The following PRTG variants were observed in gnomAD, a reference collection of about 807,000 sequenced individuals.
The protein encoded by PRTG is immunoglobulin superfamily, DCC subclass, member 5.
PRTG carries 67 observed loss-of-function variants against 122.5 expected under a neutral mutation model. The ratio of observed to expected loss-of-function variants is 0.55; its 90% CI spans 0.45 to 0.67. The LOEUF is 0.67. PRTG is among the 30% of genes least tolerant of loss of function. PRTG has a pLI of 0.00. For synonymous variants in PRTG, 554 were observed against 501.1 expected, an observed-to-expected ratio of 1.11 and a Z score of -1.41; for missense variants, 1,435 against 1,415.4, an observed-to-expected ratio of 1.01 and a Z score of -0.22.
chr15:55,673,894 C>T (rs2059487781), intron 9 of PRTG, among the ~76,000 whole-genome samples: 1 of 152,128 alleles, frequency 6.6e-6, no homozygotes, highest in African/African-American at 2.4e-5. Context: ...ATAAGATATT[C>T]TTCACTGTGG....
chr15:55,626,880 A>G (rs1223731582), intron 17 of PRTG, 128 bp downstream of exon 17: 2 of 727,452 alleles, frequency 2.7e-6, no homozygotes, highest in African/African-American at 3.6e-5. Flanking sequence ...TCAGGGAACA[A>G]TACTGCACAT....
chr15:55,686,425 G>A (rs2059570805), intron 2 of PRTG, among the ~76,000 whole-genome samples: 2 of 152,074 alleles, frequency 1.3e-5, no homozygotes, highest in South Asian at 4.1e-4. Flanking sequence ...TTACAGAACA[G>A]AAGCTCCCCC....
intron 1 of PRTG, among the ~76,000 whole-genome samples, chr15:55,741,148 T>C (rs1278106357): frequency 2.6e-5 from 4 of 152,262 alleles, no homozygotes; most frequent in African/African-American, 9.6e-5. Context: ...CCGTGGCACC[T>C]ACTCCTTTGG....
intron 2 of PRTG, among the ~76,000 whole-genome samples, chr15:55,739,112 T>G (rs1046938636): frequency 1.3e-5 from 2 of 152,104 alleles, no homozygotes; most frequent in African/African-American, 4.8e-5. Context: ...CTACAATTAA[T>G]CCTTATTGCA....
chr15:55,732,065 CAT>C (rs1393517075), intron 2 of PRTG, among the ~76,000 whole-genome samples: 3 of 152,174 alleles, frequency 2.0e-5, no homozygotes, highest in African/African-American at 7.2e-5. Flanking sequence ...TGTATCTAAA[CAT>C]ATGTAAGCAC....
chr15:55,703,509 G>A (rs950049179), intron 2 of PRTG, among the ~76,000 whole-genome samples: 1 of 152,186 alleles, frequency 6.6e-6, no homozygotes, highest in Non-Finnish European at 1.5e-5. Flanking sequence ...AATGTGATAA[G>A]AGGAAGAGTC....
chr15:55,621,005 C>A (rs913837407), intron 18 of PRTG, among the ~76,000 whole-genome samples: 2 of 152,092 alleles, frequency 1.3e-5, no homozygotes, highest in Admixed American at 1.3e-4. Flanking sequence ...CATTAGTACA[C>A]AAAATGCTTA....
At chr15:55,635,219 G>A (rs2059251381) in intron 15 of PRTG, among the ~76,000 whole-genome samples, 1 of 152,110 alleles carries the variant, frequency 6.6e-6, no homozygotes, top group Non-Finnish European at 1.5e-5. Context: ...AGCCTCCCGA[G>A]TAGTTGGGCC....
intron 2 of PRTG, among the ~76,000 whole-genome samples, chr15:55,692,451 G>A (rs998363686): frequency 2.0e-5 from 3 of 152,126 alleles, no homozygotes; most frequent in African/African-American, 7.2e-5. Flanking sequence ...TAGTTCTGAG[G>A]TTTCTGGCCC....
At chr15:55,715,899 T>C (rs558701815) in intron 2 of PRTG, among the ~76,000 whole-genome samples, 5 of 152,200 alleles carry the variant, frequency 3.3e-5, no homozygotes, top group Admixed American at 2.6e-4. Flanking sequence ...CCCTTCTGAA[T>C]TGGCACCAGT....
At chr15:55,641,993 T>C (rs2059293337) in intron 11 of PRTG, among the ~76,000 whole-genome samples, 1 of 149,690 alleles carries the variant, frequency 6.7e-6, no homozygotes, top group African/African-American at 2.5e-5. Context: ...GCTAACAAGG[T>C]GAAACCCCGT....
In PRTG at chr15:55,618,395, G is replaced by A. The variant is rs548021492; in HGVS notation, c.*1617C>T. On this transcript the variant is annotated 3_prime_UTR_variant, in exon 20 of 20. Coordinates refer to ENST00000389286, the MANE Select transcript of PRTG (RefSeq NM_173814.6). Reference sequence around the variant, plus strand: ...AACCCATTATGATTCCTTTTAAAATGAGAATCAAAAGTCACTTCCAGAAAA... The same window carrying A: ...AACCCATTATGATTCCTTTTAAAATAAGAATCAAAAGTCACTTCCAGAAAA... The A allele has an allele frequency of 6.6e-6, 1 of 152,114 alleles. No homozygotes were observed. The highest frequency in any genetic ancestry group is 2.1e-4 in the South Asian group (1 of 4,822). 9.4% of individuals were successfully genotyped at this position (152,114 alleles called of 1,614,324 possible).
rs1157299341 is a variant in PRTG at position 55,742,919 on chromosome 15, G to C, written c.13C>G (p.Leu5Val). MAPP[L>V]RPLARLRPPG... is the part of the protein sequence containing the mutation. Reference sequence around the variant, plus strand: ...GGTCGCAGCCGGGCGAGGGGTCGCAGAGGAGGCGCCATTCAGCGTAGCCGC... The same window carrying C: ...GGTCGCAGCCGGGCGAGGGGTCGCACAGGAGGCGCCATTCAGCGTAGCCGC... The change falls in exon 1 of 20, where the codon CTG (leucine) becomes GTG (valine). Residue 5 changes from leucine (L) to valine (V), a missense_variant. Transcript: ENST00000389286. The C allele has an allele frequency of 1.3e-6, 2 of 1,525,504 alleles. No homozygotes were observed. Among genetic ancestry groups the C allele is most frequent in the East Asian group, 2.7e-5 (1 of 37,262 alleles). The allele number at this position is 1,525,504 out of a possible 1,614,324, so 94.5% of individuals were successfully genotyped here.
intron 2 of PRTG, among the ~76,000 whole-genome samples, chr15:55,736,423 T>C (rs541477717): frequency 9.2e-5 from 14 of 152,072 alleles, no homozygotes; most frequent in Non-Finnish European, 1.9e-4. Flanking sequence ...TTTTAATATA[T>C]TTTTAACTTC....
intron 2 of PRTG, among the ~76,000 whole-genome samples, chr15:55,739,929 TA>T (rs1308459024): frequency 1.2e-4 from 19 of 152,234 alleles, no homozygotes; most frequent in African/African-American, 4.1e-4. Flanking sequence ...ATGGGTGATC[TA>T]AAAGCAGTCA....
At chr15:55,652,767 T>C (rs2059359899) in intron 11 of PRTG, among the ~76,000 whole-genome samples, 1 of 152,180 alleles carries the variant, frequency 6.6e-6, no homozygotes, top group Non-Finnish European at 1.5e-5. Flanking sequence ...CACAATGCGA[T>C]CTGCCTTCAA....
chr15:55,633,803 G>C (rs1442251969), intron 15 of PRTG, among the ~76,000 whole-genome samples: 1 of 151,960 alleles, frequency 6.6e-6, no homozygotes, highest in African/African-American at 2.4e-5. Flanking sequence ...TGAATCATTG[G>C]CCTTAGCTAC....
chr15:55,665,369 A>G (rs2059433526), intron 11 of PRTG, among the ~76,000 whole-genome samples: 2 of 152,162 alleles, frequency 1.3e-5, no homozygotes, highest in African/African-American at 4.8e-5. Flanking sequence ...ATTTCAGTAA[A>G]CTCCCAGATT....
At chr15:55,625,308 T>A (rs544062797) in intron 17 of PRTG, among the ~76,000 whole-genome samples, 3 of 152,340 alleles carry the variant, frequency 2.0e-5, no homozygotes, top group South Asian at 4.1e-4. Flanking sequence ...TTTATTACAT[T>A]TGTTTTAACC....
Sources: gnomAD v4.1 joint callset for allele counts (sites outside exome capture counted in the v4.1 genomes callset) on GRCh38, gnomAD v4.1.1 for gene constraint, MANE v1.5 for transcripts, NCBI Gene and HGNC (gene_info 2026-07-23, HGNC 2026-07-21) for gene names.